Variants in PCDHGB3 observed in about 807,000 individuals in gnomAD.
PCDHGB3 encodes protocadherin gamma subfamily B, 3.
Under a neutral mutation model 59.2 loss-of-function variants are expected in PCDHGB3, and 40 were observed. That is an observed-to-expected ratio of 0.68 (90% CI 0.52 to 0.88). The LOEUF is 0.88. Among genes scored for constraint, PCDHGB3 ranks in the 40% least tolerant of loss-of-function variants. The pLI is 0.00. For missense variants in PCDHGB3, 1,309 were observed against 1,187.9 expected, an observed-to-expected ratio of 1.10 and a Z score of -1.50; for synonymous variants, 581 against 503.6, an observed-to-expected ratio of 1.15 and a Z score of -2.06.
chr5:141,399,133 G>T (rs1054849184), intron 1 of PCDHGB3: 2 of 1,613,832 alleles, frequency 1.2e-6, no homozygotes, highest in African/African-American at 1.3e-5. Flanking sequence ...TATTCAAGAT[G>T]AAAATGACAA....
intron 1 of PCDHGB3, chr5:141,422,556 G>A: frequency 6.2e-7 from 1 of 1,613,908 alleles, no homozygotes; most frequent in Non-Finnish European, 8.5e-7. Flanking sequence ...GGCTGAATGT[G>A]GCAGATGACA....
At position 141,423,462 on chromosome 5, in the gene PCDHGB3, C is replaced by A. The variant is rs371118964; in HGVS notation, c.2415+50653C>A. ...CCACGTCACATTTTGTAGGCGTGGA[C>A]GGGGTACAGGCTTTCCTGCAAACCT... On this transcript the variant is annotated intron_variant, in intron 1 of 3. Transcript: ENST00000576222. 8.1e-6 allele frequency: 13 copies of A among 1,613,808 alleles called. No homozygotes were observed. The African/African-American group carries it at 1.7e-4, about 22-fold the overall frequency.
In PCDHGB3 at chr5:141,404,421, C is replaced by G. The variant is rs199749783; in HGVS notation, c.2415+31612C>G. On this transcript the variant is annotated intron_variant, in intron 1 of 3. Coordinates refer to ENST00000576222, the MANE Select transcript of PCDHGB3 (RefSeq NM_018924.5). ...AATGAGAATTCTAGAGTTATTTACT[C>G]CTTGGCAGAGGATACCATCCAAGGG... 462 of 1,613,692 alleles carry G rather than the reference C, an allele frequency of 2.9e-4. 1 individual carries two copies. The African/African-American group carries it at 5.5e-3, about 19-fold the overall frequency.
intron 1 of PCDHGB3, chr5:141,407,890 A>C (rs2094997846): frequency 2.5e-6 from 1 of 395,960 alleles, no homozygotes. Flanking sequence ...TCGGAGACCG[A>C]ATTCAAAATG....
chr5:141,400,343 A>G, intron 1 of PCDHGB3: 1 of 1,614,026 alleles, frequency 6.2e-7, no homozygotes, highest in South Asian at 1.1e-5. Context: ...CCCCCCAACT[A>G]CAGTCAGGGG....
At chr5:141,422,911 G>A (rs375046528) in intron 1 of PCDHGB3, 5 of 1,614,118 alleles carry the variant, frequency 3.1e-6, no homozygotes, top group African/African-American at 2.7e-5. Flanking sequence ...CAATGCGCCC[G>A]AGATCCTGTA....
intron 1 of PCDHGB3, among the ~76,000 whole-genome samples, chr5:141,437,246 C>A (rs897787623): frequency 6.6e-6 from 1 of 152,144 alleles, no homozygotes; most frequent in Non-Finnish European, 1.5e-5. Context: ...CAAGGACTTT[C>A]CTTGTCTTTT....
At position 141,485,359 on chromosome 5, in the gene PCDHGB3, C is replaced by G. The variant is rs1233826208; in HGVS notation, c.2416-9448C>G. 6.2e-7 allele frequency: 1 copy of G among 1,614,026 alleles called. No individual in the cohort carries two copies. The highest frequency in any genetic ancestry group is 8.5e-7 in the Non-Finnish European group (1 of 1,180,018). On this transcript the variant is annotated intron_variant, in intron 1 of 3. Transcript: ENST00000576222. This position sits in a 1 kb window ranked among gnomAD's most constrained non-coding sequence, Gnocchi z 5.7. ...TGGATACGGACAGTCTGTCAGCTCG[C>G]AGGCTGCAGGTCGCTGGAGAGGTGA...
chr5:141,376,416 C>T (rs1450125576), intron 1 of PCDHGB3: 1 of 1,614,216 alleles, frequency 6.2e-7, no homozygotes, highest in Non-Finnish European at 8.5e-7. Context: ...TATGCCGACA[C>T]GCTTATCAAC....
Position 141,505,383 on chromosome 5 carries a change from C to T in PCDHGB3, c.2475-10C>T, listed in dbSNP as rs369765886. On this transcript the variant is annotated splice_polypyrimidine_tract_variant and intron_variant, in intron 2 of 3. Coordinates refer to ENST00000576222, the MANE Select transcript of PCDHGB3 (RefSeq NM_018924.5). Reference sequence around the variant, plus strand: ...GGGAGTCTGTGCTCACCATCCTACTCTCTCCCCAGCTCCCAAAATGGCGAT... The same window carrying T: ...GGGAGTCTGTGCTCACCATCCTACTTTCTCCCCAGCTCCCAAAATGGCGAT... The T allele has an allele frequency of 1.2e-6, 2 of 1,613,944 alleles. No individual in the cohort carries two copies. Among genetic ancestry groups the T allele is most frequent in the African/African-American group, 2.7e-5 (2 of 74,914 alleles).
chr5:141,488,450 C>T (rs2154581002), intron 1 of PCDHGB3, among the ~76,000 whole-genome samples: 1 of 152,314 alleles, frequency 6.6e-6, no homozygotes, highest in East Asian at 1.9e-4. Context: ...TCCTGGGTGA[C>T]CTGATTCAGC....
intron 3 of PCDHGB3, among the ~76,000 whole-genome samples, chr5:141,507,790 A>C (rs922507228): frequency 5.9e-5 from 9 of 152,188 alleles, no homozygotes; most frequent in Admixed American, 2.6e-4. Context: ...ACCCTCGTCT[A>C]AGCCTGCGCC....
At chr5:141,393,458 G>T (rs181214352) in intron 1 of PCDHGB3, 4 of 1,613,902 alleles carry the variant, frequency 2.5e-6, no homozygotes, top group Non-Finnish European at 3.4e-6. Context: ...TCACGGCCTC[G>T]GATGGCGGCA....
chr5:141,486,091 G>T lies in PCDHGB3; in HGVS notation c.2416-8716G>T. ...CTACTGGAAAGCTTACTCTTTTGGG[G>T]CCCCTAGACTTTGAGAGTGAGAATT... On this transcript the variant is annotated intron_variant, in intron 1 of 3. Coordinates refer to ENST00000576222, the MANE Select transcript of PCDHGB3 (RefSeq NM_018924.5). This position sits in a 1 kb window ranked among gnomAD's most constrained non-coding sequence, Gnocchi z 5.0. 1 of 1,614,158 alleles carries T rather than the reference G, an allele frequency of 6.2e-7. No homozygotes were observed. Among genetic ancestry groups the T allele is most frequent in the South Asian group, 1.1e-5 (1 of 91,078 alleles).
chr5:141,463,510 G>A (rs1031854898), intron 1 of PCDHGB3, among the ~76,000 whole-genome samples: 4 of 143,710 alleles, frequency 2.8e-5, no homozygotes, highest in Non-Finnish European at 4.5e-5. Context: ...GTGACGTGGC[G>A]TGATCTCGGC....
At chr5:141,474,041 GC>G (rs1242668125) in intron 1 of PCDHGB3, among the ~76,000 whole-genome samples, 3 of 152,140 alleles carry the variant, frequency 2.0e-5, no homozygotes. Context: ...CTGTACTCCA[GC>G]CTGGATGACA....
chr5:141,503,161 T>C (rs1035413931), intron 2 of PCDHGB3, among the ~76,000 whole-genome samples: 3 of 152,054 alleles, frequency 2.0e-5, no homozygotes, highest in Admixed American at 1.3e-4. Context: ...AGTATCACAA[T>C]TGCAATTACT....
At chr5:141,383,054 T>G in intron 1 of PCDHGB3, 3 of 1,613,872 alleles carry the variant, frequency 1.9e-6, no homozygotes, top group Non-Finnish European at 2.5e-6. Context: ...GCCAAGGACC[T>G]GGGGCTGGAG....
In PCDHGB3 at chr5:141,390,024, C is replaced by T. The variant is rs1449274096; in HGVS notation, c.2415+17215C>T. ...GATTCTGGCCATTGCCTTGCGCCTG[C>T]GACGCTCCTCCAGCCCCGCCTCCTG... On this transcript the variant is annotated intron_variant, in intron 1 of 3. Transcript: ENST00000576222. 6 of 1,613,926 alleles carry T rather than the reference C, an allele frequency of 3.7e-6. No homozygotes were observed. In the African/African-American group the frequency reaches 4.0e-5, roughly 11 times the overall value.
Sources: gnomAD v4.1 joint callset for allele counts (sites outside exome capture counted in the v4.1 genomes callset) on GRCh38, gnomAD v4.1.1 for gene constraint, Gnocchi (gnomAD v3.1) non-coding constraint, MANE v1.5 for transcripts, NCBI Gene and HGNC (gene_info 2026-07-23, HGNC 2026-07-21) for gene names.